Variants in FHIT observed in about 807,000 individuals in gnomAD.
FHIT encodes the protein fragile histidine triad diadenosine triphosphatase.
FHIT carries 19 observed loss-of-function variants against 17.9 expected under a neutral mutation model. That is an observed-to-expected ratio of 1.06 (90% CI 0.74 to 1.56). FHIT has a LOEUF of 1.56. FHIT is among the 40% of genes most tolerant of loss of function. The pLI is 0.00. For synonymous variants in FHIT, 81 were observed against 69.7 expected (o/e 1.16, Z -0.81); for missense variants, 248 against 189.2 (o/e 1.31, Z -1.82).
chr3:60,960,100 A>C (rs1308726878), intron 3 of FHIT, among the ~76,000 whole-genome samples: 10 of 152,168 alleles, frequency 6.6e-5, no homozygotes, highest in African/African-American at 2.2e-4. Flanking sequence ...TCCGAATTCC[A>C]AAGGTAAAAA....
chr3:60,100,214 G>A (rs550695459), intron 5 of FHIT, among the ~76,000 whole-genome samples: 4 of 152,098 alleles, frequency 2.6e-5, no homozygotes, highest in South Asian at 4.2e-4. Flanking sequence ...GTAAAACCCC[G>A]TCTCTACTAA....
intron 4 of FHIT, among the ~76,000 whole-genome samples, chr3:60,721,610 G>T (rs1553708083): frequency 6.6e-6 from 1 of 152,026 alleles, no homozygotes; most frequent in Non-Finnish European, 1.5e-5. Context: ...TTCCTCCAAG[G>T]TGGTAAATTG....
At chr3:60,568,145 G>C (rs2037208859) in intron 4 of FHIT, among the ~76,000 whole-genome samples, 1 of 152,138 alleles carries the variant, frequency 6.6e-6, no homozygotes, top group African/African-American at 2.4e-5. Flanking sequence ...CTGCTATAAA[G>C]ACACATGCAC....
intron 1 of FHIT, among the ~76,000 whole-genome samples, chr3:61,233,880 T>C (rs1223442115): frequency 6.6e-6 from 1 of 152,210 alleles, no homozygotes; most frequent in Admixed American, 6.5e-5. Context: ...TACACTCTCC[T>C]TGACATCTCT....
chr3:60,346,133 C>T (rs778665776), intron 5 of FHIT, among the ~76,000 whole-genome samples: 6 of 152,162 alleles, frequency 3.9e-5, no homozygotes, highest in South Asian at 4.1e-4. Context: ...CCCATGTCTG[C>T]GCCCAAATAC....
At chr3:60,372,430 A>G (rs1404049580) in intron 5 of FHIT, among the ~76,000 whole-genome samples, 1 of 152,178 alleles carries the variant, frequency 6.6e-6, no homozygotes, top group African/African-American at 2.4e-5. Context: ...ATGTTTAAAA[A>G]CAGAGTTAAT....
intron 3 of FHIT, among the ~76,000 whole-genome samples, chr3:60,935,269 C>T (rs1708138756): frequency 6.6e-6 from 1 of 152,184 alleles, no homozygotes; most frequent in African/African-American, 2.4e-5. Flanking sequence ...ATAAATCATT[C>T]TCATCCATTC....
At chr3:60,277,255 C>T (rs977194872) in intron 5 of FHIT, among the ~76,000 whole-genome samples, 3 of 152,034 alleles carry the variant, frequency 2.0e-5, no homozygotes, top group Admixed American at 6.5e-5. Flanking sequence ...CAGATATAGG[C>T]GTTAAAAAGG....
chr3:60,747,411 G>A (rs2042380571), intron 4 of FHIT, among the ~76,000 whole-genome samples: 1 of 152,080 alleles, frequency 6.6e-6, no homozygotes, highest in Non-Finnish European at 1.5e-5. Flanking sequence ...GATGGCAGAG[G>A]CTAAGACGTT....
chr3:61,151,928 T>C (rs914629685), intron 2 of FHIT, among the ~76,000 whole-genome samples: 8 of 152,338 alleles, frequency 5.3e-5, no homozygotes, highest in Middle Eastern at 3.4e-3. Context: ...CAAGTAGATA[T>C]AAGCATTTGA....
At chr3:60,366,106 C>T (rs1298583374) in intron 5 of FHIT, among the ~76,000 whole-genome samples, 1 of 152,026 alleles carries the variant, frequency 6.6e-6, no homozygotes, top group Admixed American at 6.5e-5. Context: ...AAAATGAGTC[C>T]TCGAGAAATC....
At chr3:59,831,314 T>C (rs577742524) in intron 8 of FHIT, among the ~76,000 whole-genome samples, 2 of 152,244 alleles carry the variant, frequency 1.3e-5, no homozygotes, top group African/African-American at 4.8e-5. Context: ...TAATAATCAT[T>C]TTCTGAGTGC....
At chr3:60,068,232 C>G (rs1325134691) in intron 5 of FHIT, among the ~76,000 whole-genome samples, 1 of 151,900 alleles carries the variant, frequency 6.6e-6, no homozygotes, top group Non-Finnish European at 1.5e-5. Flanking sequence ...GAGACTCTGC[C>G]TCAAAAAAAA....
At chr3:60,496,928 T>G (rs1482567299) in intron 5 of FHIT, among the ~76,000 whole-genome samples, 2 of 152,160 alleles carry the variant, frequency 1.3e-5, no homozygotes, top group East Asian at 3.9e-4. Flanking sequence ...TGATTTCCTT[T>G]TTAGGGATAC....
chr3:59,780,710 G>C (rs971662383), intron 8 of FHIT, among the ~76,000 whole-genome samples: 3 of 152,226 alleles, frequency 2.0e-5, no homozygotes, highest in Admixed American at 1.3e-4. Context: ...CACCATGTGA[G>C]GATACCTCAA....
intron 8 of FHIT, among the ~76,000 whole-genome samples, chr3:59,827,664 G>A (rs1487080519): frequency 6.6e-6 from 1 of 152,200 alleles, no homozygotes; most frequent in East Asian, 1.9e-4. Context: ...CACTCAGTCG[G>A]GAATTAGTGG....
intron 4 of FHIT, among the ~76,000 whole-genome samples, chr3:60,742,921 G>T (rs1348356120): frequency 2.6e-5 from 4 of 152,222 alleles, no homozygotes; most frequent in African/African-American, 9.6e-5. Flanking sequence ...CTATGCAGAA[G>T]GAAAATAATA....
intron 4 of FHIT, among the ~76,000 whole-genome samples, chr3:60,577,224 G>A (rs781977846): frequency 2.3e-4 from 35 of 152,172 alleles, no homozygotes; most frequent in Non-Finnish European, 4.4e-4. Flanking sequence ...CTAGTTCAGG[G>A]AACAAGCTCT....
intron 5 of FHIT, among the ~76,000 whole-genome samples, chr3:60,365,231 C>T (rs1388350551): frequency 6.6e-6 from 1 of 150,978 alleles, no homozygotes; most frequent in Non-Finnish European, 1.5e-5. Context: ...CAAAATTCAA[C>T]ATAAATTTAT....
Sources: allele counts gnomAD v4.1 joint callset (sites outside exome capture counted in the v4.1 genomes callset), GRCh38; gene constraint gnomAD v4.1.1; transcripts MANE v1.5; gene names NCBI Gene and HGNC (gene_info 2026-07-23, HGNC 2026-07-21).